LRFN5: variants seen among roughly 807,000 people sequenced by gnomAD.
LRFN5 encodes leucine rich repeat and fibronectin type III domain containing 5, also known as leucine-rich repeat and fibronectin type-III domain-containing protein 5.
LRFN5 carries 24 observed loss-of-function variants against 45.6 expected under a neutral mutation model. The observed-to-expected ratio is 0.53, with a 90% confidence interval of 0.38 to 0.74. The LOEUF (loss-of-function observed/expected upper bound fraction) is 0.74. Among genes scored for constraint, LRFN5 ranks in the 30% least tolerant of loss-of-function variants. LRFN5 has a pLI of 0.00. For missense variants in LRFN5, 776 were observed against 861.5 expected (o/e 0.90, Z 1.24); for synonymous variants, 340 against 313.8 (o/e 1.08, Z -0.88).
intron 2 of LRFN5, among the ~76,000 whole-genome samples, chr14:41,874,441 G>C (rs1263478011): frequency 1.3e-5 from 2 of 152,134 alleles, no homozygotes; most frequent in Admixed American, 1.3e-4. Context: ...GGGAGCAACA[G>C]GGCAATATCA....
rs1327938482 is a variant in LRFN5, at chr14:41,622,133, T to G, written c.-197+13571T>G. ...TCTTTCTCTTTCCATCCCTCTTTTT[T>G]TTTTTTCATTTCTTTCAGAAATAGT... On this transcript the variant is annotated intron_variant, in intron 1 of 5. Transcript: ENST00000298119. Among the ~76,000 whole-genome samples the G allele has an allele frequency of 2.0e-5, 3 of 151,910 alleles. No homozygotes were observed. The East Asian group carries it at 5.8e-4, about 29-fold the overall frequency.
At position 41,892,762 on chromosome 14, in the gene LRFN5, G is replaced by A. The variant is rs1389906647; in HGVS notation, c.2098+800G>A. Reference sequence around the variant, plus strand: ...TCCTCTATGATACACCTTTTTCAGTGGAAAGAAGAAAGTGCAATTTATTTC... The same window carrying A: ...TCCTCTATGATACACCTTTTTCAGTAGAAAGAAGAAAGTGCAATTTATTTC... On this transcript the variant is annotated intron_variant, in intron 4 of 5. Coordinates refer to ENST00000298119, the MANE Select transcript of LRFN5 (RefSeq NM_152447.5). 7 of 985,060 alleles carry A rather than the reference G, an allele frequency of 7.1e-6. No homozygotes were observed. The South Asian group carries it at 1.4e-4, about 20-fold the overall frequency. The allele number at this position is 985,060 out of a possible 1,614,324, so 61.0% of individuals were successfully genotyped here. A position where few individuals can be genotyped will look rare whatever the true frequency, so the allele number is the denominator to read the frequency against.
chr14:41,792,508 G>A (rs761765073), intron 2 of LRFN5, among the ~76,000 whole-genome samples: 3 of 151,852 alleles, frequency 2.0e-5, no homozygotes, highest in Non-Finnish European at 2.9e-5. Flanking sequence ...CAGAGTGGCC[G>A]TTTATAGACC....
At chr14:41,649,249 C>A (rs1879971337) in intron 1 of LRFN5, among the ~76,000 whole-genome samples, 1 of 150,930 alleles carries the variant, frequency 6.6e-6, no homozygotes, top group African/African-American at 2.4e-5. Context: ...CCACCCCCAC[C>A]CCCCAAAAAA....
chr14:41,832,134 C>T (rs1413343363), intron 2 of LRFN5, among the ~76,000 whole-genome samples: 1 of 152,128 alleles, frequency 6.6e-6, no homozygotes, highest in Non-Finnish European at 1.5e-5. Context: ...TGTGGGGAGG[C>T]ACAATTCAGT....
At chr14:41,862,037 C>T (rs538317147) in intron 2 of LRFN5, among the ~76,000 whole-genome samples, 11 of 152,254 alleles carry the variant, frequency 7.2e-5, no homozygotes, top group African/African-American at 2.4e-4. Context: ...AGTACCCCTC[C>T]GCCTACTTCA....
At chr14:41,628,265 G>A (rs55778940) in intron 1 of LRFN5, among the ~76,000 whole-genome samples, 31,329 of 151,918 alleles carry the variant, frequency 0.21, 3,502 homozygotes, top group Middle Eastern at 0.27. Context: ...TATCAGAGTA[G>A]GCAAAAATAA....
In LRFN5 at chr14:41,856,675, A is replaced by ATTATTATTTTTTTTTTTTTTT; in HGVS notation, c.-20-29929_-20-29928insATTATTTTTTTTTTTTTTTTT. Among the ~76,000 whole-genome samples, 49 of 18,322 alleles carry ATTATTATTTTTTTTTTTTTTT rather than the reference A, an allele frequency of 2.7e-3. 2 individuals are homozygous for ATTATTATTTTTTTTTTTTTTT. Among genetic ancestry groups the ATTATTATTTTTTTTTTTTTTT allele is most frequent in the South Asian group, 5.1e-3 (1 of 198 alleles). The allele number at this position is 18,322 out of a possible 152,430, so 12.0% of individuals were successfully genotyped here. A position where few individuals can be genotyped will look rare whatever the true frequency, so the allele number is the denominator to read the frequency against. On this transcript the variant is annotated intron_variant, in intron 2 of 5. Coordinates refer to ENST00000298119, the MANE Select transcript of LRFN5 (RefSeq NM_152447.5). ...TTCTTTCCTAATTATTATTATTATT[A>ATTATTATTTTTTTTTTTTTTT]TTTTTTTTTTTTTTTTTTTGAGACG...
rs2139145287 is a variant in LRFN5 at position 41,884,216 on chromosome 14, T to A, written c.-20-2390T>A. 2.6e-5 allele frequency among the ~76,000 whole-genome samples: 4 copies of A among 152,352 alleles called. 1 individual carries two copies. The South Asian group carries it at 8.3e-4, about 32-fold the overall frequency. ...TCTCCAGGGGTAATTGTAGAATTAA[T>A]TTTTAACTCACTATCTCAAGGATCA... is the stretch of plus-strand genomic sequence containing the variant. On this transcript the variant is annotated intron_variant, in intron 2 of 5. Coordinates refer to ENST00000298119, the MANE Select transcript of LRFN5 (RefSeq NM_152447.5).
Position 41,627,416 on chromosome 14 carries a change from T to C in LRFN5, c.-197+18854T>C, listed in dbSNP as rs373464396. Among the ~76,000 whole-genome samples, 321 of 152,280 alleles carry C rather than the reference T, an allele frequency of 2.1e-3. 1 individual carries two copies. Among genetic ancestry groups the C allele is most frequent in the African/African-American group, 7.3e-3 (303 of 41,592 alleles). On this transcript the variant is annotated intron_variant, in intron 1 of 5. Transcript: ENST00000298119. ...AAATTCATTTCCCCAAGGGCCTTTT[T>C]CTTAATCTTTAGGATAATTAAACCA...
In LRFN5 at chr14:41,765,273, C is replaced by T. The variant is rs1328501511; in HGVS notation, c.-196-1581C>T. ...AGGAGAATGGCGTGAACCCGGGAGG[C>T]GGAGGTTGCAGTGAGCCGAGATCGC... On this transcript the variant is annotated intron_variant, in intron 1 of 5. Transcript: ENST00000298119. Among the ~76,000 whole-genome samples, 13 of 146,164 alleles carry T rather than the reference C, an allele frequency of 8.9e-5. No individual in the cohort carries two copies. The East Asian group carries it at 1.1e-3, about 12-fold the overall frequency.
At chr14:41,706,157 A>G (rs1013080331) in intron 1 of LRFN5, among the ~76,000 whole-genome samples, 9 of 151,866 alleles carry the variant, frequency 5.9e-5, no homozygotes, top group African/African-American at 2.2e-4. Flanking sequence ...CTGGAGTGCA[A>G]TGGTGCGATC....
intron 2 of LRFN5, among the ~76,000 whole-genome samples, chr14:41,844,316 A>G (rs1888978439): frequency 6.6e-6 from 1 of 151,872 alleles, no homozygotes; most frequent in African/African-American, 2.4e-5. Context: ...GGGCACCTGT[A>G]GTCCCAGCTA....
chr14:41,767,940 G>A (rs1027806771), intron 2 of LRFN5, among the ~76,000 whole-genome samples: 3 of 151,676 alleles, frequency 2.0e-5, no homozygotes, highest in African/African-American at 4.8e-5. Flanking sequence ...CTAAATACTT[G>A]ATGTAAGCAT....
Position 41,856,258 on chromosome 14 carries a change from C to G in LRFN5, c.-20-30348C>G, listed in dbSNP as rs541840679. ...GAATCATCTTCTATAAACACATGAT[C>G]AAAATTTAGATACTAAATGTGTGAT... On this transcript the variant is annotated intron_variant, in intron 2 of 5. Coordinates refer to ENST00000298119, the MANE Select transcript of LRFN5 (RefSeq NM_152447.5). Among the ~76,000 whole-genome samples, 11 of 152,234 alleles carry G rather than the reference C, an allele frequency of 7.2e-5. No individual in the cohort carries two copies. The South Asian group carries it at 2.3e-3, about 32-fold the overall frequency.
chr14:41,674,278 G>A (rs1213871502), intron 1 of LRFN5, among the ~76,000 whole-genome samples: 3 of 137,852 alleles, frequency 2.2e-5, no homozygotes, highest in Admixed American at 6.9e-5. Context: ...AGGGGCGGCC[G>A]GGCAGAGGCG....
chr14:41,836,509 C>T (rs1261421632), intron 2 of LRFN5, among the ~76,000 whole-genome samples: 2 of 151,978 alleles, frequency 1.3e-5, no homozygotes, highest in Non-Finnish European at 2.9e-5. Flanking sequence ...ATAATACATG[C>T]ATGTTTGTAT....
intron 1 of LRFN5, among the ~76,000 whole-genome samples, chr14:41,629,856 G>A (rs1012668797): frequency 3.3e-5 from 5 of 152,114 alleles, no homozygotes; most frequent in Middle Eastern, 3.2e-3. Flanking sequence ...CAGAATCTTT[G>A]AGAAGTTGTT....
intron 2 of LRFN5, among the ~76,000 whole-genome samples, chr14:41,832,417 A>G (rs1249769741): frequency 1.3e-5 from 2 of 152,162 alleles, no homozygotes; most frequent in African/African-American, 4.8e-5. Flanking sequence ...GCACAAAGCG[A>G]CCAATGGCAA....
Sources: gnomAD v4.1 joint callset for allele counts (sites outside exome capture counted in the v4.1 genomes callset) on GRCh38, gnomAD v4.1.1 for gene constraint, MANE v1.5 for transcripts, NCBI Gene and HGNC (gene_info 2026-07-23, HGNC 2026-07-21) for gene names.